The following PSD2 variants were observed in gnomAD, a reference collection of about 807,000 sequenced individuals.
PSD2 encodes the protein PH and SEC7 domain-containing protein 2.
In PSD2, 38 loss-of-function variants were observed where a neutral mutation model predicts 69.8. That is an observed-to-expected ratio of 0.54 (90% CI 0.42 to 0.71). PSD2 has a LOEUF of 0.71. Ranked by LOEUF, PSD2 falls within the 30% of genes least tolerant of loss-of-function variation. PSD2 has a pLI of 0.00. For synonymous variants in PSD2, 412 were observed against 423.0 expected, an observed-to-expected ratio of 0.97 and a Z score of 0.32; for missense variants, 943 against 1,014.5, an observed-to-expected ratio of 0.93 and a Z score of 0.96.
chr5:139,750,387 A>C, the PSD2 span, among the ~76,000 whole-genome samples: 1 of 152,080 alleles, frequency 6.6e-6, no homozygotes, highest in African/African-American at 2.4e-5. Flanking sequence ...CAAACTGCCC[A>C]GCCTCCACCA....
chr5:139,831,278 C>G (rs528987778), intron 7 of PSD2, among the ~76,000 whole-genome samples: 2 of 152,104 alleles, frequency 1.3e-5, no homozygotes, highest in African/African-American at 4.8e-5. Context: ...TGTGGTATAT[C>G]TTTTTCTGAC....
intron 14 of PSD2, among the ~76,000 whole-genome samples, chr5:139,840,847 C>T (rs1229361649): frequency 6.6e-6 from 1 of 152,070 alleles, no homozygotes; most frequent in Non-Finnish European, 1.5e-5. Flanking sequence ...CCACCACGCC[C>T]GGCCTCATTA....
chr5:139,832,880 T>A (rs1248741043), intron 7 of PSD2, among the ~76,000 whole-genome samples: 1 of 152,222 alleles, frequency 6.6e-6, no homozygotes, highest in African/African-American at 2.4e-5. Context: ...CCTCTGCTAC[T>A]CATTGGTTAA....
At chr5:139,831,735 T>G (rs909754880) in intron 7 of PSD2, among the ~76,000 whole-genome samples, 7 of 152,274 alleles carry the variant, frequency 4.6e-5, no homozygotes, top group Non-Finnish European at 1.0e-4. Flanking sequence ...AACTTTATTG[T>G]TGCTCTACAT....
Position 139,838,787 on chromosome 5 carries a change from G to T in PSD2, c.1968+15G>T. On this transcript the variant is annotated intron_variant, in intron 13 of 14. Transcript: ENST00000274710. ...GCCTCTGCCAGGTACATGTTCCTGGGTCAACATTTTGCCTCCCCAGGCTGC... is the reference window on the plus strand; with the variant it reads ...GCCTCTGCCAGGTACATGTTCCTGGTTCAACATTTTGCCTCCCCAGGCTGC... The T allele has an allele frequency of 1.9e-6, 3 of 1,604,122 alleles. No individual in the cohort carries two copies. The highest frequency in any genetic ancestry group is 2.6e-6 in the Non-Finnish European group (3 of 1,173,034).
At chr5:139,751,344 T>G in the PSD2 span, among the ~76,000 whole-genome samples, 1 of 152,162 alleles carries the variant, frequency 6.6e-6, no homozygotes, top group African/African-American at 2.4e-5. Context: ...GGTTCCCTAC[T>G]TAGATATTTC....
chr5:139,752,612 T>C, the PSD2 span, among the ~76,000 whole-genome samples: 1 of 152,056 alleles, frequency 6.6e-6, no homozygotes, highest in Non-Finnish European at 1.5e-5. Flanking sequence ...TCCACAGGCA[T>C]GTATACTCTC....
At chr5:139,755,644 T>C in the PSD2 span, among the ~76,000 whole-genome samples, 1 of 148,216 alleles carries the variant, frequency 6.7e-6, no homozygotes, top group African/African-American at 2.5e-5. Context: ...GCTGTGTGTG[T>C]GTGTGTGTGT....
At chr5:139,806,971 G>C (rs1188697227) in intron 1 of PSD2, among the ~76,000 whole-genome samples, 3 of 152,230 alleles carry the variant, frequency 2.0e-5, no homozygotes, top group African/African-American at 7.2e-5. Flanking sequence ...CCAGCTAAAG[G>C]AGGACATAGC....
chr5:139,838,914 C>A, intron 13 of PSD2, 142 bp downstream of exon 13: 1 of 854,282 alleles, frequency 1.2e-6, no homozygotes, highest in Non-Finnish European at 1.8e-6. Context: ...CCTGTTCCCT[C>A]CATCCCAAGC....
At chr5:139,820,965 T>C (rs1278152599) in intron 5 of PSD2, among the ~76,000 whole-genome samples, 2 of 151,786 alleles carry the variant, frequency 1.3e-5, no homozygotes, top group Non-Finnish European at 2.9e-5. Flanking sequence ...TGGAATCTTC[T>C]TCTGTCGCCC....
the PSD2 span, among the ~76,000 whole-genome samples, chr5:139,777,174 A>G: frequency 2.0e-5 from 3 of 152,126 alleles, no homozygotes; most frequent in Non-Finnish European, 2.9e-5. Flanking sequence ...TCAGCCCTTC[A>G]TCTCCTGGGC....
At chr5:139,765,136 G>T in the PSD2 span, among the ~76,000 whole-genome samples, 2 of 151,850 alleles carry the variant, frequency 1.3e-5, no homozygotes, top group Admixed American at 1.3e-4. Flanking sequence ...CCCACTGCGG[G>T]TTCCGTGACC....
chr5:139,823,742 T>A (rs1760335122), intron 7 of PSD2, among the ~76,000 whole-genome samples: 2 of 152,174 alleles, frequency 1.3e-5, no homozygotes, highest in South Asian at 4.1e-4. Context: ...CTAGTAAGGA[T>A]TTCATTATGA....
rs1169335852 is a variant in PSD2 at position 139,839,843 on chromosome 5, GAGGA to G, written c.1969-180_1969-177del. 6.6e-6 allele frequency among the ~76,000 whole-genome samples: 1 copy of G among 152,214 alleles called. No homozygotes were observed. The highest frequency in any genetic ancestry group is 1.5e-5 in the Non-Finnish European group (1 of 68,034). ...CTGATGCTGATGGGACCTGGGGGAG[GAGGA>G]AGGGAGGTGGGAGGAAGAGCATGCC... is the stretch of plus-strand genomic sequence containing the variant. On this transcript the variant is annotated intron_variant, in intron 13 of 14. Transcript: ENST00000274710. This position sits in a 1 kb window ranked among gnomAD's most constrained non-coding sequence, Gnocchi z 5.1.
At chr5:139,772,253 C>A in the PSD2 span, among the ~76,000 whole-genome samples, 1 of 152,196 alleles carries the variant, frequency 6.6e-6, no homozygotes, top group African/African-American at 2.4e-5. Context: ...ACTCTAGTCC[C>A]AGACCCAGCA....
chr5:139,798,126 A>T (rs1411030887), intron 1 of PSD2, among the ~76,000 whole-genome samples: 1 of 152,096 alleles, frequency 6.6e-6, no homozygotes, highest in Non-Finnish European at 1.5e-5. Context: ...CCGTATTTAG[A>T]CTGGCTCTCC....
At chr5:139,836,566 A>G (rs1286737591) in intron 9 of PSD2, among the ~76,000 whole-genome samples, 1 of 152,192 alleles carries the variant, frequency 6.6e-6, no homozygotes, top group Non-Finnish European at 1.5e-5. Flanking sequence ...AAGGGTGACA[A>G]TTTGGGCTTG....
At chr5:139,787,772 C>T in the PSD2 span, among the ~76,000 whole-genome samples, 2 of 152,246 alleles carry the variant, frequency 1.3e-5, no homozygotes, top group South Asian at 4.1e-4. Context: ...GAACTCCTCT[C>T]AATTCTCTGT....
Sources: gnomAD v4.1 joint callset for allele counts (sites outside exome capture counted in the v4.1 genomes callset) on GRCh38, gnomAD v4.1.1 for gene constraint, Gnocchi (gnomAD v3.1) non-coding constraint, MANE v1.5 for transcripts, NCBI Gene and HGNC (gene_info 2026-07-23, HGNC 2026-07-21) for gene names.